PRG4: variants seen among roughly 807,000 people sequenced by gnomAD.
The protein encoded by PRG4 is articular superficial zone protein.
A neutral mutation model predicts 91.2 loss-of-function variants in PRG4; 61 were observed. The ratio of observed to expected loss-of-function variants is 0.67; its 90% CI spans 0.54 to 0.83. The LOEUF is 0.83. Among genes scored for constraint, PRG4 ranks in the 40% least tolerant of loss-of-function variants. The pLI is 0.00. For missense variants in PRG4, 1,564 were observed against 1,714.2 expected (o/e 0.91, Z 1.55); for synonymous variants, 576 against 614.2 (o/e 0.94, Z 0.92).
In PRG4 at chr1:186,304,840, T is replaced by G. The variant is rs1184330050; in HGVS notation, c.516T>G (p.Ser172=). 8 of 1,610,944 alleles carry G rather than the reference T, an allele frequency of 5.0e-6. No individual in the cohort carries two copies. Among genetic ancestry groups the G allele is most frequent in the Non-Finnish European group, 6.8e-6 (8 of 1,177,328 alleles). Residue 172 remains serine (S), a synonymous_variant, in exon 6 of 13, where the codon TCT becomes TCG. Transcript: ENST00000445192. Reference sequence around the variant, plus strand: ...AAGAGTCCTCCTCCTCCTCCTCCTCTTCCTCTTCTTCTTCAACAATTCGGA... The same window carrying G: ...AAGAGTCCTCCTCCTCCTCCTCCTCGTCCTCTTCTTCTTCAACAATTCGGA... ...ENQESSSSSS[S]SSSSSTIRKI...
chr1:186,310,981 T>C, intron 8 of PRG4, 53 bp from the exon 9 acceptor site: 1 of 1,604,580 alleles, frequency 6.2e-7, no homozygotes, highest in South Asian at 1.1e-5. Context: ...TGGTTTCTTT[T>C]GTGATAGGTT....
intron 2 of PRG4, among the ~76,000 whole-genome samples, chr1:186,299,565 A>AT (rs1292736246): frequency 6.6e-6 from 1 of 152,230 alleles, no homozygotes; most frequent in Non-Finnish European, 1.5e-5. Flanking sequence ...ACTACAAATA[A>AT]TTGGGAGGTA....
intron 3 of PRG4, among the ~76,000 whole-genome samples, chr1:186,300,484 G>A (rs143850484): frequency 3.7e-4 from 56 of 152,338 alleles, no homozygotes; most frequent in African/African-American, 1.3e-3. Context: ...CAAGGTTATT[G>A]TCTAGTTCCA....
Position 186,307,809 on chromosome 1 carries a change from C to T in PRG4, c.2090C>T (p.Ala697Val), listed in dbSNP as rs867835703. The T allele has an allele frequency of 1.4e-5, 23 of 1,611,716 alleles. 1 individual carries two copies. The Middle Eastern group carries it at 2.1e-3, about 150-fold the overall frequency. The change falls in exon 7 of 13, where the codon GCT becomes GTT. Residue 697 changes from alanine (A) to valine (V), a missense_variant. By Grantham distance (64) the Ala-to-Val change is moderately conservative. Around this residue, in one of 3 missense-constraint regions of PRG4, gnomAD observed 1,079 missense variants for 1,162.2 expected, o/e 0.93. Transcript: ENST00000445192. Reference sequence around the variant, plus strand: ...GCTCCAACTACCCCTAAGGAGCCTGCTCCAACTACCCCTAAGGAGACTGCT... The same window carrying T: ...GCTCCAACTACCCCTAAGGAGCCTGTTCCAACTACCCCTAAGGAGACTGCT... ...EPAPTTPKEP[A>V]PTTPKETAPT...
intron 6 of PRG4, among the ~76,000 whole-genome samples, chr1:186,305,556 T>G (rs1325094085): frequency 6.6e-6 from 1 of 152,154 alleles, no homozygotes. Flanking sequence ...AAATACTGGA[T>G]TTTTGGATAA....
chr1:186,305,899 T>C (rs564330319), intron 6 of PRG4, among the ~76,000 whole-genome samples: 3 of 152,236 alleles, frequency 2.0e-5, no homozygotes, highest in South Asian at 4.1e-4. Flanking sequence ...GAGGTAGCTG[T>C]AGAGGCCTCT....
intron 2 of PRG4, among the ~76,000 whole-genome samples, chr1:186,298,485 T>A (rs1027464820): frequency 1.7e-4 from 26 of 150,082 alleles, no homozygotes; most frequent in Admixed American, 1.4e-3. Context: ...GTAAGGATGA[T>A]TTCCTCTTTT....
chr1:186,310,750 C>A (rs945641261), intron 8 of PRG4, among the ~76,000 whole-genome samples: 1 of 151,592 alleles, frequency 6.6e-6, no homozygotes, highest in Non-Finnish European at 1.5e-5. Flanking sequence ...CATCTACCCG[C>A]CTTAACCTCC....
Position 186,314,297 on chromosome 1 carries a change from T to G in PRG4, c.*519T>G, listed in dbSNP as rs573168932. The G allele has an allele frequency of 1.5e-4, 59 of 401,030 alleles. 1 individual carries two copies. The South Asian group carries it at 2.4e-3, about 16-fold the overall frequency. The allele number at this position is 401,030 out of a possible 1,614,324, so 24.8% of individuals were successfully genotyped here. A position where few individuals can be genotyped will look rare whatever the true frequency, so the allele number is the denominator to read the frequency against. ...ATAATCACAAAGCTTTATCGTGTTGTATAAAAAAATTAACAATATAATGGC... is the reference window on the plus strand; with the variant it reads ...ATAATCACAAAGCTTTATCGTGTTGGATAAAAAAATTAACAATATAATGGC... On this transcript the variant is annotated 3_prime_UTR_variant, in exon 13 of 13. Coordinates refer to ENST00000445192, the MANE Select transcript of PRG4 (RefSeq NM_005807.6).
rs759205502 is a variant in PRG4, at chr1:186,301,609, C to T, written c.217C>T (p.Arg73Cys). Reference protein sequence around the residue: ...VCTAELSCKGRCFESFERGRE... With the variant: ...VCTAELSCKGCCFESFERGRE... ...CTGGGTAGAGCTTTCCTGTAAAGGCCGCTGCTTTGAGTCCTTCGAGAGAGG... is the reference window on the plus strand; with the variant it reads ...CTGGGTAGAGCTTTCCTGTAAAGGCTGCTGCTTTGAGTCCTTCGAGAGAGG... Residue 73 changes from arginine (R) to cysteine (C), a missense_variant, in exon 4 of 13, where the codon CGC (arginine) becomes TGC (cysteine). Physicochemically the swap from Arg to Cys is radical, Grantham distance 180. Around this residue, in one of 3 missense-constraint regions of PRG4, gnomAD observed 437 missense variants for 459.0 expected, o/e 0.95. Transcript: ENST00000445192. The T allele has an allele frequency of 5.6e-6, 9 of 1,613,954 alleles. No individual in the cohort carries two copies. The highest frequency in any genetic ancestry group is 5.0e-5 in the Admixed American group (3 of 59,992).
intron 11 of PRG4, 35 bp from the exon 12 acceptor site, chr1:186,312,734 A>T: frequency 6.2e-7 from 1 of 1,605,304 alleles, no homozygotes; most frequent in Non-Finnish European, 8.5e-7. Flanking sequence ...ATTGCCTTTT[A>T]ATCTGGTATC....
chr1:186,302,743 A>G (rs1557930962), intron 4 of PRG4, among the ~76,000 whole-genome samples: 2 of 152,226 alleles, frequency 1.3e-5, no homozygotes, highest in African/African-American at 2.4e-5. Context: ...ATGATGAGTG[A>G]CACATATTTA....
Position 186,308,780 on chromosome 1 carries a change from C to A in PRG4, c.3061C>A (p.Pro1021Thr), listed in dbSNP as rs761021750. The part of the protein sequence containing the change: ...ATNSKATTPK[P>T]QKPTKAPKKP... ...TAATTCTAAAGCGACAACTCCTAAACCTCAAAAGCCAACCAAAGCACCCAA... is the reference window on the plus strand; with the variant it reads ...TAATTCTAAAGCGACAACTCCTAAAACTCAAAAGCCAACCAAAGCACCCAA... The change falls in exon 7 of 13, where the codon CCT (proline) becomes ACT (threonine). Residue 1021 changes from proline (P) to threonine (T), a missense_variant. Physicochemically the swap from Pro to Thr is conservative, Grantham distance 38. Transcript: ENST00000445192. 6.2e-7 allele frequency: 1 copy of A among 1,613,746 alleles called. No individual in the cohort carries two copies. The highest frequency in any genetic ancestry group is 8.5e-7 in the Non-Finnish European group (1 of 1,179,998).
At position 186,309,008 on chromosome 1, in the gene PRG4, G is replaced by A. The variant is rs144820275; in HGVS notation, c.3289G>A (p.Ala1097Thr). 14 of 1,610,334 alleles carry A rather than the reference G, an allele frequency of 8.7e-6. No homozygotes were observed. In the African/African-American group the frequency reaches 1.2e-4, roughly 14 times the overall value. The change falls in exon 7 of 13, where the codon GCA becomes ACA. Residue 1097 changes from alanine (A) to threonine (T), a missense_variant. By Grantham distance (58) the Ala-to-Thr change is moderately conservative. This residue lies in a region of PRG4 where 1,079 missense variants were observed against 1,162.2 expected (regional missense o/e 0.93). Coordinates refer to ENST00000445192, the MANE Select transcript of PRG4 (RefSeq NM_005807.6). ...TGAAGTAAATCCAAAGAGTGAAGATGCAGGTGGTGCTGAAGGAGAAACACC... is the reference window on the plus strand; with the variant it reads ...TGAAGTAAATCCAAAGAGTGAAGATACAGGTGGTGCTGAAGGAGAAACACC... ...LVEVNPKSED[A>T]GGAEGETPHM...
Position 186,313,968 on chromosome 1 carries a change from C to A in PRG4, c.*190C>A. 2 of 1,611,274 alleles carry A rather than the reference C, an allele frequency of 1.2e-6. No individual in the cohort carries two copies. The highest frequency in any genetic ancestry group is 8.5e-7 in the Non-Finnish European group (1 of 1,178,568). On this transcript the variant is annotated 3_prime_UTR_variant, in exon 13 of 13. Coordinates refer to ENST00000445192, the MANE Select transcript of PRG4 (RefSeq NM_005807.6). Reference sequence around the variant, plus strand: ...TTCACAGTTGTTATTGTTTACAGACCATTTAATTAATATTTCCTCTGTTTA... The same window carrying A: ...TTCACAGTTGTTATTGTTTACAGACAATTTAATTAATATTTCCTCTGTTTA...
chr1:186,301,646 A>T lies in PRG4; in HGVS notation c.254A>T (p.Asp85Val). 1 of 1,613,942 alleles carries T rather than the reference A, an allele frequency of 6.2e-7. No homozygotes were observed. The highest frequency in any genetic ancestry group is 1.7e-4 in the Middle Eastern group (1 of 6,058). Residue 85 changes from aspartate (D) to valine (V), a missense_variant, in exon 4 of 13, where the codon GAC becomes GTC. This residue lies in a region of PRG4 where 437 missense variants were observed against 459.0 expected (regional missense o/e 0.95). Coordinates refer to ENST00000445192, the MANE Select transcript of PRG4 (RefSeq NM_005807.6). ...FESFERGREC[D>V]CDAQCKKYDK... ...TCCTTCGAGAGAGGGAGGGAGTGTG[A>T]CTGCGACGCCCAATGTAAGAAGTAT...
intron 4 of PRG4, among the ~76,000 whole-genome samples, chr1:186,302,654 C>T (rs908200703): frequency 6.6e-6 from 1 of 152,168 alleles, no homozygotes; most frequent in African/African-American, 2.4e-5. Flanking sequence ...CATGGGAAAA[C>T]ATTCCAAAAA....
chr1:186,297,897 A>G (rs1009618101), intron 2 of PRG4, among the ~76,000 whole-genome samples: 3 of 152,230 alleles, frequency 2.0e-5, no homozygotes, highest in African/African-American at 4.8e-5. Context: ...AACACATGAA[A>G]GCAAATGTGA....
At chr1:186,310,669 A>ATT (rs56847815) in intron 8 of PRG4, among the ~76,000 whole-genome samples, 3 of 131,508 alleles carry the variant, frequency 2.3e-5, no homozygotes, top group East Asian at 2.2e-4. Context: ...TTTTTTTTGT[A>ATT]TTTTTTTTTT....
Sources: allele counts gnomAD v4.1 joint callset (sites outside exome capture counted in the v4.1 genomes callset), GRCh38; gene constraint gnomAD v4.1.1; regional missense constraint gnomAD v4.1.1; transcripts MANE v1.5; gene names NCBI Gene and HGNC (gene_info 2026-07-23, HGNC 2026-07-21).